Variants in TNFAIP8 observed in about 807,000 individuals in gnomAD.
TNFAIP8 encodes tumor necrosis factor alpha-induced protein 8.
A neutral mutation model predicts 13.3 loss-of-function variants in TNFAIP8; 7 were observed. The observed-to-expected ratio is 0.52, with a 90% CI of 0.30 to 0.99. TNFAIP8 has a LOEUF of 0.99. Among genes scored for constraint, TNFAIP8 ranks in the 50% least tolerant of loss-of-function variants. TNFAIP8 has a pLI of 0.07. For synonymous variants in TNFAIP8, 94 were observed against 87.6 expected (o/e 1.07, Z -0.41); for missense variants, 258 against 236.9 (o/e 1.09, Z -0.58).
chr5:119,322,579 G>A (rs764404588), intron 1 of TNFAIP8, among the ~76,000 whole-genome samples: 4 of 152,156 alleles, frequency 2.6e-5, no homozygotes, highest in Non-Finnish European at 4.4e-5. Flanking sequence ...CATTCCAAAC[G>A]AGTCCATGCT....
intron 1 of TNFAIP8, among the ~76,000 whole-genome samples, chr5:119,357,224 G>A (rs1340909806): frequency 6.6e-6 from 1 of 152,162 alleles, no homozygotes; most frequent in Admixed American, 6.5e-5. Flanking sequence ...ATAAAAAGGA[G>A]GTTTGTTTAA....
intron 1 of TNFAIP8, chr5:119,333,646 C>T: frequency 6.6e-7 from 1 of 1,520,440 alleles, no homozygotes; most frequent in Non-Finnish European, 8.8e-7. Flanking sequence ...GTTAAAACGG[C>T]CTTCAGAATA....
chr5:119,346,527 A>C (rs945740548), intron 1 of TNFAIP8, among the ~76,000 whole-genome samples: 1 of 152,238 alleles, frequency 6.6e-6, no homozygotes, highest in Non-Finnish European at 1.5e-5. Context: ...GCTGTGAGGC[A>C]GTAAACTTAT....
At chr5:119,291,866 T>C (rs1363437513) in intron 1 of TNFAIP8, among the ~76,000 whole-genome samples, 3 of 152,154 alleles carry the variant, frequency 2.0e-5, no homozygotes. Flanking sequence ...TCCCTCAAAC[T>C]AAAAGAATGA....
At chr5:119,350,996 CTCTGTG>C (rs1262421729) in intron 1 of TNFAIP8, among the ~76,000 whole-genome samples, 1 of 101,608 alleles carries the variant, frequency 9.8e-6, no homozygotes, top group Non-Finnish European at 1.9e-5. Flanking sequence ...AGGGGTCTCA[CTCTGTG>C]TGTGTGTGTG....
At chr5:119,351,227 A>C (rs994512140), upstream of TNFAIP8, among the ~76,000 whole-genome samples, 1 of 152,002 alleles carries the variant, frequency 6.6e-6, no homozygotes, top group African/African-American at 2.4e-5. Context: ...GGGTCTCTCT[A>C]TGTTGTCCAA....
In TNFAIP8 at chr5:119,392,927, G is replaced by C. The variant is rs778971105; in HGVS notation, c.143G>C (p.Ser48Thr). The C allele has an allele frequency of 6.2e-7, 1 of 1,606,948 alleles. No individual in the cohort carries two copies. The highest frequency in any genetic ancestry group is 2.2e-5 in the East Asian group (1 of 44,530). ...ACCACCTTAATAGACGACACAAGTA[G>C]TGAGGTGCTGGATGAGCTCTACAGA... is the stretch of plus-strand genomic sequence containing the variant. The part of the protein sequence containing the change: ...IATTLIDDTS[S>T]EVLDELYRVT... Residue 48 changes from serine (S) to threonine (T), a missense_variant, in exon 2 of 2, where the codon AGT becomes ACT. Physicochemically the swap from Ser to Thr is moderately conservative, Grantham distance 58 (BLOSUM62 1). Coordinates refer to ENST00000504771, the MANE Select transcript of TNFAIP8 (RefSeq NM_014350.4).
At position 119,361,582 on chromosome 5, in the gene TNFAIP8, A is replaced by G. The variant is rs147210451; in HGVS notation, c.31+5461A>G. ...AAGAAGGTGATGAAGCAAAGAGACT[A>G]TAAGCAGAATTCCCTACGTGGCTCT... On this transcript the variant is annotated intron_variant, in intron 1 of 1. Transcript: ENST00000504771. 3.5e-3 allele frequency among the ~76,000 whole-genome samples: 526 copies of G among 152,358 alleles called. 2 individuals carry two copies. The highest frequency in any genetic ancestry group is 0.014 in the South Asian group (66 of 4,828).
rs536426566 is a variant in TNFAIP8 at position 119,268,892 on chromosome 5, C to T, written c.-15C>T. On this transcript the variant is annotated 5_prime_UTR_variant, in exon 1 of 2. Coordinates refer to the TNFAIP8 transcript ENST00000274456. ...TCGCGCTTCAGCGTCCCGGCGCCGT[C>T]GCGCCACTCCTCCGAGTAAGTGGCT... 40 of 701,946 alleles carry T rather than the reference C, an allele frequency of 5.7e-5. 1 individual carries two copies. The highest frequency in any genetic ancestry group is 5.6e-4 in the South Asian group (38 of 67,340). 43.5% of individuals were successfully genotyped at this position (701,946 alleles called of 1,614,324 possible).
chr5:119,335,220 G>C (rs943592159), intron 1 of TNFAIP8, among the ~76,000 whole-genome samples: 1 of 152,058 alleles, frequency 6.6e-6, no homozygotes, highest in Non-Finnish European at 1.5e-5. Context: ...TCCCAATTCA[G>C]GATAAACTCT....
In TNFAIP8 at chr5:119,393,515, C is replaced by A. The variant is rs1643488665; in HGVS notation, c.*134C>A. 5 of 937,240 alleles carry A rather than the reference C, an allele frequency of 5.3e-6. No homozygotes were observed. In the Admixed American group the frequency reaches 1.4e-4, roughly 27 times the overall value. 58.1% of individuals were successfully genotyped at this position (937,240 alleles called of 1,614,324 possible). A position where few individuals can be genotyped will look rare whatever the true frequency, so the allele number is the denominator to read the frequency against. On this transcript the variant is annotated 3_prime_UTR_variant, in exon 2 of 2. Coordinates refer to ENST00000504771, the MANE Select transcript of TNFAIP8 (RefSeq NM_014350.4). ...GACTTTACCCAATTCAGTTGTCAGACATAATGATTTATTTGAAGGCTTGTT... is the reference window on the plus strand; with the variant it reads ...GACTTTACCCAATTCAGTTGTCAGAAATAATGATTTATTTGAAGGCTTGTT...
chr5:119,278,368 AGAGAGAGAGT>A (rs1748521546), intron 1 of TNFAIP8, among the ~76,000 whole-genome samples: 19 of 135,486 alleles, frequency 1.4e-4, no homozygotes, highest in African/African-American at 3.9e-4. Flanking sequence ...AGAGAGAGAG[AGAGAGAGAGT>A]GTGTGTGTGT....
intron 1 of TNFAIP8, among the ~76,000 whole-genome samples, chr5:119,322,648 C>T (rs1362053222): frequency 1.3e-5 from 2 of 152,186 alleles, no homozygotes; most frequent in Non-Finnish European, 2.9e-5. Flanking sequence ...TTTTCCTCCC[C>T]GTTTTCTCTG....
At chr5:119,379,571 C>T (rs184939360) in intron 1 of TNFAIP8, among the ~76,000 whole-genome samples, 12 of 152,054 alleles carry the variant, frequency 7.9e-5, no homozygotes, top group African/African-American at 2.9e-4. Context: ...GACCTGTGCT[C>T]CTTCATTTGA....
intron 1 of TNFAIP8, among the ~76,000 whole-genome samples, chr5:119,295,208 TCTAAC>T (rs1749133179): frequency 2.0e-5 from 1 of 50,370 alleles, no homozygotes; most frequent in Admixed American, 1.5e-4. Context: ...GACCTATAGG[TCTAAC>T]GTTTAGTCTA....
chr5:119,354,759 C>T (rs1751316770), upstream of TNFAIP8: 1 of 153,166 alleles, frequency 6.5e-6, no homozygotes, highest in Non-Finnish European at 1.5e-5. Flanking sequence ...GATGGCAGAA[C>T]TGGATTTAAG....
intron 1 of TNFAIP8, among the ~76,000 whole-genome samples, chr5:119,335,124 A>G (rs971751418): frequency 1.3e-5 from 2 of 152,020 alleles, no homozygotes; most frequent in African/African-American, 4.8e-5. Flanking sequence ...TTCCTGGTAA[A>G]TTTCACTCTT....
intron 1 of TNFAIP8, among the ~76,000 whole-genome samples, chr5:119,325,851 C>T (rs897367766): frequency 2.6e-5 from 4 of 152,216 alleles, no homozygotes; most frequent in Non-Finnish European, 4.4e-5. Context: ...TGTCCTGTCT[C>T]GGGCTGTAGC....
chr5:119,269,626 CTG>C (rs1748211547), intron 1 of TNFAIP8, among the ~76,000 whole-genome samples: 1 of 152,204 alleles, frequency 6.6e-6, no homozygotes, highest in Admixed American at 6.5e-5. Context: ...TTCAGTGACA[CTG>C]TATTTCTAAA....
Sources: gnomAD v4.1 joint callset for allele counts (sites outside exome capture counted in the v4.1 genomes callset) on GRCh38, gnomAD v4.1.1 for gene constraint, MANE v1.5 for transcripts, NCBI Gene and HGNC (gene_info 2026-07-23, HGNC 2026-07-21) for gene names.